The following CCDC141 variants were observed in gnomAD, a reference collection of about 807,000 sequenced individuals.
CCDC141 encodes the protein coiled-coil domain containing 141.
A neutral mutation model predicts 181.0 loss-of-function variants in CCDC141; 168 were observed. The observed-to-expected ratio is 0.93, with a 90% CI of 0.82 to 1.05. CCDC141 has a LOEUF of 1.05. Among genes scored for constraint, CCDC141 ranks in the 50% least tolerant of loss-of-function variants. The pLI, the probability that CCDC141 is intolerant of heterozygous loss-of-function variation, is 0.00. For missense variants in CCDC141, 1,902 were observed against 1,788.5 expected (o/e 1.06, Z -1.14); for synonymous variants, 666 against 642.3 (o/e 1.04, Z -0.56).
At chr2:178,988,117 C>T (rs1308125733) in intron 2 of CCDC141, among the ~76,000 whole-genome samples, 20 of 152,170 alleles carry the variant, frequency 1.3e-4, no homozygotes, top group Non-Finnish European at 1.8e-4. Flanking sequence ...GGCACATATA[C>T]ACCATGGAAT....
chr2:178,837,622 G>C lies in CCDC141; in HGVS notation c.3597C>G (p.Asp1199Glu). ...GGVQDLLLPEDMLSGEEYECV... is the reference protein window; with the variant it reads ...GGVQDLLLPEEMLSGEEYECV... ...ACTCATATTCTTCCCCTGAGAGCAT[G>C]TCTTCAGGCAGGAGCAGGTCCTGGA... is the stretch of plus-strand genomic sequence containing the variant. The change falls in exon 23 of 24, where the codon GAC (aspartate) becomes GAG (glutamate). Residue 1199 changes from aspartate (D) to glutamate (E), a missense_variant. By Grantham distance (45) the Asp-to-Glu change is conservative. Coordinates refer to ENST00000443758, the MANE Select transcript of CCDC141 (RefSeq NM_173648.4). The C allele has an allele frequency of 6.2e-7, 1 of 1,614,058 alleles. No individual in the cohort carries two copies. Among genetic ancestry groups the C allele is most frequent in the Non-Finnish European group, 8.5e-7 (1 of 1,179,966 alleles).
At chr2:178,893,542 A>T (rs968454963) in intron 8 of CCDC141, among the ~76,000 whole-genome samples, 1 of 152,126 alleles carries the variant, frequency 6.6e-6, no homozygotes, top group Admixed American at 6.6e-5. Context: ...TGGACAAATT[A>T]TACTTTAAAG....
chr2:178,822,878 A>T, the CCDC141 span, among the ~76,000 whole-genome samples: 2 of 152,342 alleles, frequency 1.3e-5, no homozygotes, highest in East Asian at 3.9e-4. Context: ...TTAAATATCA[A>T]TTATACTCTG....
chr2:179,005,300 T>C (rs1055718224), intron 2 of CCDC141, among the ~76,000 whole-genome samples: 1 of 114,192 alleles, frequency 8.8e-6, no homozygotes, highest in African/African-American at 3.0e-5. Context: ...CTTGTGAACA[T>C]TATTTGGAGA....
intron 6 of CCDC141, among the ~76,000 whole-genome samples, chr2:178,923,030 C>A (rs1688759300): frequency 6.6e-6 from 1 of 151,860 alleles, no homozygotes. Flanking sequence ...TGATGCATTT[C>A]TCTACCATTC....
At chr2:179,005,534 T>G (rs1256728454) in intron 2 of CCDC141, among the ~76,000 whole-genome samples, 6 of 152,160 alleles carry the variant, frequency 3.9e-5, no homozygotes, top group Admixed American at 3.9e-4. Context: ...ATAAACAATC[T>G]TTTTACCAGA....
chr2:178,838,953 T>G (rs752322884), intron 22 of CCDC141, among the ~76,000 whole-genome samples: 4 of 152,200 alleles, frequency 2.6e-5, no homozygotes, highest in Non-Finnish European at 5.9e-5. Context: ...GTTTTATATC[T>G]CCTTTCTGTG....
intron 2 of CCDC141, among the ~76,000 whole-genome samples, chr2:178,981,653 T>TATATGTAC (rs1294881650): frequency 1.5e-5 from 2 of 137,440 alleles, no homozygotes; most frequent in Non-Finnish European, 3.1e-5. Flanking sequence ...TATATATATA[T>TATATGTAC]ATATACATAC....
the CCDC141 span, among the ~76,000 whole-genome samples, chr2:178,816,674 C>G: frequency 6.6e-6 from 1 of 152,184 alleles, no homozygotes; most frequent in African/African-American, 2.4e-5. Flanking sequence ...AGTGAGAGTT[C>G]CTGGTGCTTC....
intron 6 of CCDC141, among the ~76,000 whole-genome samples, chr2:178,932,420 T>G (rs543192585): frequency 2.0e-5 from 3 of 152,180 alleles, no homozygotes; most frequent in Non-Finnish European, 4.4e-5. Context: ...TCCCATTCAC[T>G]CTCTGCTAAG....
intron 20 of CCDC141, among the ~76,000 whole-genome samples, chr2:178,851,248 A>C (rs1301348883): frequency 6.6e-6 from 1 of 151,650 alleles, no homozygotes; most frequent in African/African-American, 2.4e-5. Context: ...TGACCCAGAC[A>C]ATAAATGGGG....
chr2:178,881,958 C>T (rs1276845201), intron 11 of CCDC141, among the ~76,000 whole-genome samples: 1 of 149,094 alleles, frequency 6.7e-6, no homozygotes, highest in Non-Finnish European at 1.5e-5. Context: ...CACACACACA[C>T]ACACCAGTCT....
At position 178,844,699 on chromosome 2, in the gene CCDC141, C is replaced by G. The variant is rs561101628; in HGVS notation, c.3474+927G>C. Among the ~76,000 whole-genome samples, 3 of 152,320 alleles carry G rather than the reference C, an allele frequency of 2.0e-5. No homozygotes were observed. In the East Asian group the frequency reaches 5.8e-4, roughly 29 times the overall value. ...CTATAAGAAAGCTGAAAGAACCATA[C>G]TGACTTCAAGGAAAGATAAATCTTT... On this transcript the variant is annotated intron_variant, in intron 22 of 23. Transcript: ENST00000443758.
At chr2:178,893,609 G>T (rs1445173543) in intron 8 of CCDC141, among the ~76,000 whole-genome samples, 1 of 152,090 alleles carries the variant, frequency 6.6e-6, no homozygotes, top group Non-Finnish European at 1.5e-5. Context: ...GGAACCCGAA[G>T]AGTGTCTTTT....
At chr2:178,858,703 T>G (rs1023363897) in intron 17 of CCDC141, among the ~76,000 whole-genome samples, 21 of 151,996 alleles carry the variant, frequency 1.4e-4, no homozygotes, top group Non-Finnish European at 2.9e-5. Context: ...CACTTATCCA[T>G]TGGAAAATAA....
chr2:179,026,120 G>A (rs2154386289), intron 2 of CCDC141, among the ~76,000 whole-genome samples: 1 of 152,310 alleles, frequency 6.6e-6, no homozygotes, highest in East Asian at 1.9e-4. Flanking sequence ...AAAAATTCAA[G>A]CTGGCTGTAG....
intron 2 of CCDC141, among the ~76,000 whole-genome samples, chr2:179,016,714 T>C (rs1189551778): frequency 6.6e-6 from 1 of 152,122 alleles, no homozygotes; most frequent in African/African-American, 2.4e-5. Context: ...CTTTCTTTTT[T>C]TAAGAATGTA....
In CCDC141 at chr2:178,902,549, C is replaced by A. The variant is rs529379440; in HGVS notation, c.1265+2780G>T. Among the ~76,000 whole-genome samples, 161 of 152,188 alleles carry A rather than the reference C, an allele frequency of 1.1e-3. 1 individual carries two copies. The highest frequency in any genetic ancestry group is 3.3e-3 in the African/African-American group (138 of 41,536). Reference sequence around the variant, plus strand: ...AAATGGTGCTGGGAAAACTGGCTAGCCATATGTAGAAAGCTGAAACTGGAT... The same window carrying A: ...AAATGGTGCTGGGAAAACTGGCTAGACATATGTAGAAAGCTGAAACTGGAT... On this transcript the variant is annotated intron_variant, in intron 8 of 23. Transcript: ENST00000443758.
At chr2:178,927,248 T>C (rs1688941615) in intron 6 of CCDC141, among the ~76,000 whole-genome samples, 1 of 152,204 alleles carries the variant, frequency 6.6e-6, no homozygotes, top group Admixed American at 6.5e-5. Context: ...CAAATGATAC[T>C]GGGATGGGCA....
Sources: gnomAD v4.1 joint callset for allele counts (sites outside exome capture counted in the v4.1 genomes callset) on GRCh38, gnomAD v4.1.1 for gene constraint, MANE v1.5 for transcripts, NCBI Gene and HGNC (gene_info 2026-07-23, HGNC 2026-07-21) for gene names.